SPATA6: variants seen among roughly 807,000 people sequenced by gnomAD.
SPATA6 encodes spermatogenesis associated 6.
Under a neutral mutation model 65.3 loss-of-function variants are expected in SPATA6, and 56 were observed. The ratio of observed to expected loss-of-function variants is 0.86; its 90% CI spans 0.69 to 1.07. SPATA6 has a LOEUF of 1.07. Ranked by LOEUF, SPATA6 falls within the 50% of genes least tolerant of loss-of-function variation. The pLI, the probability that SPATA6 is intolerant of heterozygous loss-of-function variation, is 0.00. For synonymous variants in SPATA6, 199 were observed against 213.2 expected (o/e 0.93, Z 0.58); for missense variants, 590 against 594.8 (o/e 0.99, Z 0.08).
intron 3 of SPATA6, among the ~76,000 whole-genome samples, chr1:48,439,805 C>T (rs1365832872): frequency 6.6e-6 from 1 of 152,164 alleles, no homozygotes; most frequent in South Asian, 2.1e-4. Context: ...GACCCGCAAA[C>T]CCTGAAAAAG....
chr1:48,443,434 A>G (rs1655708791), intron 3 of SPATA6, among the ~76,000 whole-genome samples: 1 of 152,192 alleles, frequency 6.6e-6, no homozygotes, highest in Admixed American at 6.5e-5. Context: ...GAACCAGAAA[A>G]GCAGGTTTAT....
rs1644797928 is a variant in SPATA6 at position 48,295,481 on chromosome 1, A to G, written c.*3232T>C. The G allele has an allele frequency of 6.6e-6, 1 of 152,238 alleles. No homozygotes were observed. The highest frequency in any genetic ancestry group is 2.4e-5 in the African/African-American group (1 of 41,470). The allele number at this position is 152,238 out of a possible 1,614,324, so 9.4% of individuals were successfully genotyped here. On this transcript the variant is annotated 3_prime_UTR_variant, in exon 13 of 13. Coordinates refer to ENST00000371847, the MANE Select transcript of SPATA6 (RefSeq NM_019073.4). ...TATTTTGCTAAGTGAAAGAAGCCAC[A>G]TACAATAGGTCACATGTTGTATGGT...
intron 9 of SPATA6, among the ~76,000 whole-genome samples, chr1:48,368,217 G>C (rs1029591474): frequency 3.3e-5 from 5 of 152,024 alleles, no homozygotes; most frequent in South Asian, 2.1e-4. Context: ...TTCTCTCTGG[G>C]TGCCCTTAAC....
At chr1:48,359,493 A>G (rs1646748061) in intron 10 of SPATA6, 93 bp downstream of exon 10, 1 of 1,380,720 alleles carries the variant, frequency 7.2e-7, no homozygotes, top group African/African-American at 1.4e-5. Context: ...TTACACTTTT[A>G]TAAACATTCA....
intron 3 of SPATA6, among the ~76,000 whole-genome samples, chr1:48,432,925 T>A (rs950611550): frequency 6.6e-6 from 1 of 152,186 alleles, no homozygotes; most frequent in East Asian, 1.9e-4. Flanking sequence ...GATGTATGCA[T>A]ACAATGGAAT....
At position 48,298,381 on chromosome 1, in the gene SPATA6, CA is replaced by C. The variant is rs1018802817; in HGVS notation, c.*331del. 13 of 167,616 alleles carry C rather than the reference CA, an allele frequency of 7.8e-5. No homozygotes were observed. Among genetic ancestry groups the C allele is most frequent in the Non-Finnish European group, 1.3e-4 (10 of 79,280 alleles). 10.4% of individuals were successfully genotyped at this position (167,616 alleles called of 1,614,324 possible). ...GAAGAAAATTGCAAGGTGAGTAAGG[CA>C]AAAAAAACATTTCTAGAAAGGAACT... is the stretch of plus-strand genomic sequence containing the variant. On this transcript the variant is annotated 3_prime_UTR_variant, in exon 13 of 13. Coordinates refer to ENST00000371847, the MANE Select transcript of SPATA6 (RefSeq NM_019073.4).
chr1:48,340,157 C>T (rs1455450205), intron 11 of SPATA6, among the ~76,000 whole-genome samples: 3 of 144,182 alleles, frequency 2.1e-5, no homozygotes, highest in African/African-American at 7.8e-5. Flanking sequence ...GACATCTATA[C>T]CCAGGGAGAA....
At position 48,298,056 on chromosome 1, in the gene SPATA6, T is replaced by G. The variant is rs1644846235; in HGVS notation, c.*657A>C. On this transcript the variant is annotated 3_prime_UTR_variant, in exon 13 of 13. Transcript: ENST00000371847. ...TATCTTTAAAAATTAGTTATTCAAATTTTTGATCATCCATGGCACTGATAT... is the reference window on the plus strand; with the variant it reads ...TATCTTTAAAAATTAGTTATTCAAAGTTTTGATCATCCATGGCACTGATAT... 1.3e-5 allele frequency: 2 copies of G among 152,202 alleles called. No homozygotes were observed. The highest frequency in any genetic ancestry group is 4.8e-5 in the African/African-American group (2 of 41,472). The allele number at this position is 152,202 out of a possible 1,614,324, so 9.4% of individuals were successfully genotyped here.
intron 11 of SPATA6, 88 bp downstream of exon 11, chr1:48,355,582 G>T (rs1388035495): frequency 3.4e-6 from 3 of 895,402 alleles, no homozygotes; most frequent in Non-Finnish European, 5.0e-6. Context: ...TTTCTTCCCG[G>T]TGACTAAATT....
At position 48,359,594 on chromosome 1, in the gene SPATA6, G is replaced by A. The variant is rs757215037; in HGVS notation, c.1086C>T (p.Leu362=). 3.7e-6 allele frequency: 6 copies of A among 1,612,566 alleles called. No individual in the cohort carries two copies. The change falls in exon 10 of 13, where the codon CTC becomes CTT. Residue 362 remains leucine, a synonymous_variant. Transcript: ENST00000371847. ...AGACCGCACATAATTACCTTTCCCT[G>A]AGAGAAGCTCTATTTAACACAGGGC... ...SPSPVLNRAS[L]RERFHSDWCS...
Position 48,453,237 on chromosome 1 carries a change from T to C in SPATA6, c.52-106A>G, listed in dbSNP as rs192734941. On this transcript the variant is annotated intron_variant, in intron 1 of 12. Transcript: ENST00000371847. ...ACATAAAAACATTAGTCTGGTAATC[T>C]AATAAAAAATACTCACAAATAAAGA... The C allele has an allele frequency of 1.1e-4, 135 of 1,192,032 alleles. No individual in the cohort carries two copies. The African/African-American group carries it at 2.0e-3, about 17-fold the overall frequency. 73.8% of individuals were successfully genotyped at this position (1,192,032 alleles called of 1,614,324 possible).
At chr1:48,376,583 T>C (rs772205348) in intron 9 of SPATA6, among the ~76,000 whole-genome samples, 46 of 152,000 alleles carry the variant, frequency 3.0e-4, no homozygotes, top group Admixed American at 3.9e-4. Flanking sequence ...ATTTTTAAAT[T>C]ACTCTAGGTA....
intron 9 of SPATA6, among the ~76,000 whole-genome samples, chr1:48,364,998 GTTTCAGC>G (rs1184002056): frequency 2.6e-5 from 4 of 152,180 alleles, no homozygotes; most frequent in Non-Finnish European, 4.4e-5. Context: ...AAAGGATCCA[GTTTCAGC>G]TTTCTACATA....
intron 11 of SPATA6, among the ~76,000 whole-genome samples, chr1:48,315,336 T>C (rs1163416774): frequency 1.3e-5 from 2 of 152,096 alleles, no homozygotes; most frequent in African/African-American, 2.4e-5. Flanking sequence ...CAAAAACTTA[T>C]CCATCATGAT....
chr1:48,284,037 T>TGAAAAA, the SPATA6 span, among the ~76,000 whole-genome samples: 1 of 152,118 alleles, frequency 6.6e-6, no homozygotes, highest in Non-Finnish European at 1.5e-5. Context: ...TCAACTTGGT[T>TGAAAAA]CCATTCTCCC....
intron 11 of SPATA6, 92 bp downstream of exon 11, chr1:48,355,578 C>T (rs1190881226): frequency 1.2e-5 from 10 of 857,946 alleles, no homozygotes; most frequent in Non-Finnish European, 1.8e-5. Context: ...TTTTTTTCTT[C>T]CCGGTGACTA....
At chr1:48,284,480 G>T in the SPATA6 span, among the ~76,000 whole-genome samples, 2 of 152,234 alleles carry the variant, frequency 1.3e-5, no homozygotes, top group African/African-American at 4.8e-5. Flanking sequence ...TGCTGGGGAG[G>T]AGTTGTGATC....
At chr1:48,276,536 T>G in the SPATA6 span, among the ~76,000 whole-genome samples, 52 of 152,352 alleles carry the variant, frequency 3.4e-4, 1 homozygote, top group East Asian at 9.2e-3. Context: ...ATGTTGTGTC[T>G]TTGTTCTTAT....
chr1:48,339,299 T>C (rs373570861), intron 11 of SPATA6, among the ~76,000 whole-genome samples: 51 of 152,136 alleles, frequency 3.4e-4, no homozygotes, highest in African/African-American at 1.2e-3. Flanking sequence ...TCAGTCCCTT[T>C]TGGATCAAGG....
Sources: allele counts gnomAD v4.1 joint callset (sites outside exome capture counted in the v4.1 genomes callset), GRCh38; gene constraint gnomAD v4.1.1; transcripts MANE v1.5; gene names NCBI Gene and HGNC (gene_info 2026-07-23, HGNC 2026-07-21).